Variants in SPAG16 observed in about 807,000 individuals in gnomAD.
The protein encoded by SPAG16 is sperm associated antigen 16.
In SPAG16, 86 loss-of-function variants were observed where a neutral mutation model predicts 80.4. The ratio of observed to expected loss-of-function variants is 1.07; its 90% CI spans 0.90 to 1.28. SPAG16 has a LOEUF of 1.28. Among genes scored for constraint, SPAG16 ranks in the 50% most tolerant of loss-of-function variants. The probability of loss-of-function intolerance (pLI) is 0.00; values close to 1 mark genes in which losing one functional copy is unlikely to be tolerated. For missense variants in SPAG16, 870 were observed against 765.3 expected, an observed-to-expected ratio of 1.14 and a Z score of -1.61; for synonymous variants, 294 against 265.9, an observed-to-expected ratio of 1.11 and a Z score of -1.03.
intron 9 of SPAG16, among the ~76,000 whole-genome samples, chr2:213,437,459 T>TA (rs746259737): frequency 6.6e-6 from 1 of 152,228 alleles, no homozygotes; most frequent in Non-Finnish European, 1.5e-5. Context: ...TTACTACTAA[T>TA]AAAATCCTCC....
chr2:213,463,465 A>G (rs2072497753), intron 9 of SPAG16, among the ~76,000 whole-genome samples: 1 of 152,206 alleles, frequency 6.6e-6, no homozygotes. Flanking sequence ...GGTTTCATTG[A>G]CCGGGCCCAG....
Position 214,085,390 on chromosome 2 carries a change from A to AAG in SPAG16, c.1528-22805_1528-22804insGA, listed in dbSNP as rs766851767. Reference sequence around the variant, plus strand: ...GGAGATTCCACCTCAAAAAAAAAAAAAAAGAAAGAAAGAAAGAAAGAAAAA... The same window carrying AAG: ...GGAGATTCCACCTCAAAAAAAAAAAAAGAAAGAAAGAAAGAAAGAAAGAAAAA... On this transcript the variant is annotated intron_variant, in intron 13 of 15. Transcript: ENST00000331683. Among the ~76,000 whole-genome samples, 1,094 of 150,046 alleles carry AAG rather than the reference A, an allele frequency of 7.3e-3. 13 individuals carry two copies. The highest frequency in any genetic ancestry group is 0.025 in the African/African-American group (1,024 of 40,300).
chr2:214,106,229 T>C (rs2053376601), intron 13 of SPAG16, among the ~76,000 whole-genome samples: 1 of 152,184 alleles, frequency 6.6e-6, no homozygotes, highest in African/African-American at 2.4e-5. Context: ...ATATTAGTTC[T>C]CAAAATTAAC....
chr2:213,981,677 A>T (rs1175846111), intron 12 of SPAG16, among the ~76,000 whole-genome samples: 1 of 151,996 alleles, frequency 6.6e-6, no homozygotes, highest in Non-Finnish European at 1.5e-5. Flanking sequence ...AGAGGGTCAG[A>T]TTGGTTTTAT....
At chr2:213,948,542 G>A (rs183623705) in intron 12 of SPAG16, among the ~76,000 whole-genome samples, 87 of 152,134 alleles carry the variant, frequency 5.7e-4, no homozygotes, top group Middle Eastern at 3.4e-3. Flanking sequence ...TGGTGGTTTA[G>A]GAATATGCAT....
intron 9 of SPAG16, among the ~76,000 whole-genome samples, chr2:213,386,182 T>C (rs115316254): frequency 0.013 from 1,978 of 152,282 alleles, 19 homozygotes; most frequent in Non-Finnish European, 0.022. Context: ...CAAACTCCCA[T>C]TGATGCCTTT....
intron 15 of SPAG16, among the ~76,000 whole-genome samples, chr2:214,386,928 C>G (rs970324711): frequency 2.0e-5 from 3 of 151,466 alleles, no homozygotes; most frequent in African/African-American, 4.9e-5. Flanking sequence ...TTGACAGTTG[C>G]GTAACTTTTC....
intron 10 of SPAG16, among the ~76,000 whole-genome samples, chr2:213,707,526 C>T (rs184123831): frequency 1.3e-5 from 2 of 152,234 alleles, no homozygotes; most frequent in Non-Finnish European, 2.9e-5. Flanking sequence ...ATTTATTGCA[C>T]TTACTTTTTT....
rs368642625 is a variant in SPAG16, at chr2:214,369,162, A to G, written c.1721-40978A>G. On this transcript the variant is annotated intron_variant, in intron 15 of 15. Transcript: ENST00000331683. ...TTAGAATTTAATGAATATGTATCTA[A>G]TTAAGATTTGTGCATTACATCATTT... Among the ~76,000 whole-genome samples, 346 of 152,230 alleles carry G rather than the reference A, an allele frequency of 2.3e-3. 2 individuals are homozygous for G. Among genetic ancestry groups the G allele is most frequent in the Non-Finnish European group, 4.4e-3 (302 of 67,970 alleles).
At chr2:214,110,635 C>A (rs868145873) in intron 14 of SPAG16, among the ~76,000 whole-genome samples, 49 of 152,146 alleles carry the variant, frequency 3.2e-4, no homozygotes, top group African/African-American at 1.1e-3. Flanking sequence ...GATTTATAAT[C>A]CTTTAGGTAT....
At chr2:214,134,552 G>C (rs2054948300) in intron 14 of SPAG16, among the ~76,000 whole-genome samples, 1 of 152,158 alleles carries the variant, frequency 6.6e-6, no homozygotes, top group African/African-American at 2.4e-5. Flanking sequence ...AATCGGCACA[G>C]GCTCCATAAA....
intron 13 of SPAG16, among the ~76,000 whole-genome samples, chr2:214,033,556 A>G (rs2048532321): frequency 6.6e-6 from 1 of 152,170 alleles, no homozygotes. Context: ...ATTATATTCA[A>G]CCATTTATTC....
At chr2:213,466,819 C>T (rs1307275250) in intron 9 of SPAG16, among the ~76,000 whole-genome samples, 1 of 152,214 alleles carries the variant, frequency 6.6e-6, no homozygotes, top group African/African-American at 2.4e-5. Context: ...CCCTTGACAA[C>T]ACTTTACCAA....
At chr2:214,316,653 C>A (rs1695717424) in intron 15 of SPAG16, among the ~76,000 whole-genome samples, 1 of 152,078 alleles carries the variant, frequency 6.6e-6, no homozygotes, top group South Asian at 2.1e-4. Flanking sequence ...ATATTAAATT[C>A]TATAACTCTA....
At chr2:213,637,786 C>G (rs2062424746) in intron 10 of SPAG16, among the ~76,000 whole-genome samples, 1 of 152,126 alleles carries the variant, frequency 6.6e-6, no homozygotes, top group Non-Finnish European at 1.5e-5. Context: ...GAGATGAAGT[C>G]TCACTCTGTT....
intron 10 of SPAG16, among the ~76,000 whole-genome samples, chr2:213,532,462 A>ATTTT (rs374457236): frequency 0.014 from 1,987 of 139,962 alleles, 25 homozygotes; most frequent in South Asian, 0.032. Context: ...GTTTAATTGA[A>ATTTT]TTTTTTTTTT....
intron 8 of SPAG16, among the ~76,000 whole-genome samples, chr2:213,368,444 C>A (rs185677218): frequency 9.2e-5 from 14 of 152,104 alleles, no homozygotes; most frequent in African/African-American, 2.7e-4. Context: ...TATGACAAAC[C>A]CACAGCCAAT....
chr2:213,299,903 G>A (rs545502407), intron 3 of SPAG16, among the ~76,000 whole-genome samples: 3 of 152,234 alleles, frequency 2.0e-5, no homozygotes, highest in Middle Eastern at 3.4e-3. Flanking sequence ...TTGTGTCTGT[G>A]TGTCTGTATG....
At chr2:213,755,992 A>C (rs2068309727) in intron 10 of SPAG16, among the ~76,000 whole-genome samples, 1 of 152,208 alleles carries the variant, frequency 6.6e-6, no homozygotes, top group African/African-American at 2.4e-5. Flanking sequence ...CTATCTAATG[A>C]AATAGTTTAA....
Sources: gnomAD v4.1 joint callset for allele counts (sites outside exome capture counted in the v4.1 genomes callset) on GRCh38, gnomAD v4.1.1 for gene constraint, MANE v1.5 for transcripts, NCBI Gene and HGNC (gene_info 2026-07-23, HGNC 2026-07-21) for gene names.